The following PCNX2 variants were observed in gnomAD, a reference collection of about 807,000 sequenced individuals.
PCNX2 encodes pecanex-like protein 2.
A neutral mutation model predicts 223.8 loss-of-function variants in PCNX2; 168 were observed. That is an observed-to-expected ratio of 0.75 (90% CI 0.66 to 0.85). The LOEUF (loss-of-function observed/expected upper bound fraction) is 0.85, where lower values mean the gene tolerates loss of function less well. Among genes scored for constraint, PCNX2 ranks in the 40% least tolerant of loss-of-function variants. The pLI is 0.00. For synonymous variants in PCNX2, 1,006 were observed against 1,052.6 expected (o/e 0.96, Z 0.86); for missense variants, 2,507 against 2,675.5 (o/e 0.94, Z 1.39).
intron 8 of PCNX2, 102 bp from the exon 9 acceptor site, chr1:233,237,082 A>G (rs951399380): frequency 6.3e-6 from 9 of 1,434,996 alleles, no homozygotes; most frequent in Admixed American, 4.2e-5. Context: ...CAAAGCAGGT[A>G]GTGGATGAGA....
chr1:233,257,114 G>GA (rs776660498), intron 5 of PCNX2, among the ~76,000 whole-genome samples: 1 of 152,108 alleles, frequency 6.6e-6, no homozygotes, highest in African/African-American at 2.4e-5. Flanking sequence ...TATCCATGAG[G>GA]AAACTGAGGC....
chr1:233,222,691 A>G (rs114207697), intron 10 of PCNX2, among the ~76,000 whole-genome samples: 113 of 152,358 alleles, frequency 7.4e-4, no homozygotes, highest in African/African-American at 2.7e-3. Context: ...AACAGCGAAA[A>G]TAACTTCCTA....
intron 27 of PCNX2, 24 bp from the exon 28 acceptor site, chr1:233,014,801 A>C (rs369884137): frequency 1.6e-5 from 25 of 1,572,616 alleles, no homozygotes; most frequent in Non-Finnish European, 2.0e-5. Flanking sequence ...AAGTTAACTC[A>C]GCTTTCACAC....
rs1462984377 is a variant in PCNX2, at chr1:233,017,015, T to A, written c.4745A>T (p.Asp1582Val). 8.7e-6 allele frequency: 14 copies of A among 1,613,838 alleles called. No homozygotes were observed. The highest frequency in any genetic ancestry group is 2.7e-5 in the African/African-American group (2 of 74,914). The stretch of plus-strand genomic sequence containing the variant: ...CCCCTGGAGACACGGGACGTAGTCA[T>A]CATCAATGTTAATGTTGAACATTGC... ...DLAMFNINID[D>V]DYVPCLQGIT... is the part of the protein sequence containing the mutation. The change falls in exon 27 of 34, where the codon GAT becomes GTT. Residue 1582 changes from aspartate to valine, a missense_variant. Transcript: ENST00000258229.
In PCNX2 at chr1:233,160,273, T is replaced by C. The variant is rs967726541; in HGVS notation, c.3517+10A>G. The C allele has an allele frequency of 1.9e-6, 3 of 1,608,680 alleles. No individual in the cohort carries two copies. The highest frequency in any genetic ancestry group is 2.6e-6 in the Non-Finnish European group (3 of 1,176,014). On this transcript the variant is annotated intron_variant, in intron 19 of 33. Coordinates refer to ENST00000258229, the MANE Select transcript of PCNX2 (RefSeq NM_014801.4). ...TTTTTTTTTTTTTAAATGAGGGATATATTACTAACCTCTCACTTCCCGTTG... is the reference window on the plus strand; with the variant it reads ...TTTTTTTTTTTTTAAATGAGGGATACATTACTAACCTCTCACTTCCCGTTG...
At chr1:233,010,160 C>T (rs529351924) in intron 28 of PCNX2, among the ~76,000 whole-genome samples, 4 of 152,316 alleles carry the variant, frequency 2.6e-5, no homozygotes, top group African/African-American at 7.2e-5. Context: ...AGCTGGCCCC[C>T]GTGGGGGCCT....
At chr1:233,163,921 T>C (rs766332258) in intron 17 of PCNX2, among the ~76,000 whole-genome samples, 1 of 152,188 alleles carries the variant, frequency 6.6e-6, no homozygotes, top group Non-Finnish European at 1.5e-5. Context: ...TATACCACAA[T>C]GTGTTTATCT....
chr1:233,030,868 C>T (rs146788718), intron 25 of PCNX2, among the ~76,000 whole-genome samples: 99 of 152,336 alleles, frequency 6.5e-4, no homozygotes, highest in African/African-American at 2.2e-3. Flanking sequence ...CATCTAATCA[C>T]GAAAGGGGAT....
intron 25 of PCNX2, among the ~76,000 whole-genome samples, chr1:233,033,473 T>C (rs1671339601): frequency 6.6e-6 from 1 of 152,254 alleles, no homozygotes; most frequent in African/African-American, 2.4e-5. Context: ...TGGTTTCTTG[T>C]GTCTTTAAGG....
At chr1:233,160,253 T>A in intron 19 of PCNX2, 30 bp downstream of exon 19, 2 of 1,593,844 alleles carry the variant, frequency 1.3e-6, no homozygotes, top group Non-Finnish European at 1.7e-6. Flanking sequence ...CTCCTTTTTT[T>A]TTTTTTTAAA....
chr1:233,179,256 C>T, intron 15 of PCNX2, 81 bp from the exon 16 acceptor site: 1 of 1,412,664 alleles, frequency 7.1e-7, no homozygotes, highest in South Asian at 1.2e-5. Flanking sequence ...TAGAAATATC[C>T]CCAAGGTCCA....
intron 28 of PCNX2, among the ~76,000 whole-genome samples, chr1:233,012,309 C>T (rs1670498061): frequency 6.6e-6 from 1 of 152,024 alleles, no homozygotes; most frequent in South Asian, 2.1e-4. Flanking sequence ...TGGGGCCCTG[C>T]CAGGCTCCAA....
intron 8 of PCNX2, among the ~76,000 whole-genome samples, chr1:233,249,255 G>T (rs947943591): frequency 6.6e-6 from 1 of 152,140 alleles, no homozygotes; most frequent in Non-Finnish European, 1.5e-5. Context: ...ATCCTGGGGG[G>T]AAAAAATTAA....
At chr1:233,321,645 C>CA in the PCNX2 span, among the ~76,000 whole-genome samples, 5 of 152,150 alleles carry the variant, frequency 3.3e-5, no homozygotes, top group Non-Finnish European at 7.3e-5. Flanking sequence ...TGCAGAAATG[C>CA]TTTATATGCA....
intron 19 of PCNX2, among the ~76,000 whole-genome samples, chr1:233,148,819 A>T (rs1267897396): frequency 6.6e-6 from 1 of 152,272 alleles, no homozygotes; most frequent in African/African-American, 2.4e-5. Flanking sequence ...AATGAAACTC[A>T]TACTGAATGT....
At chr1:233,008,936 A>G (rs10797598) in intron 28 of PCNX2, among the ~76,000 whole-genome samples, 63,195 of 151,972 alleles carry the variant, frequency 0.42, 14,079 homozygotes, top group African/African-American at 0.57. Context: ...CAGCTGGGCC[A>G]CCCCAGGGAA....
intron 8 of PCNX2, among the ~76,000 whole-genome samples, chr1:233,246,003 A>T (rs2102978768): frequency 6.6e-6 from 1 of 152,348 alleles, no homozygotes; most frequent in East Asian, 1.9e-4. Context: ...ATGCATTTCT[A>T]GCTCCCTGTG....
rs1001270962 is a variant in PCNX2, at chr1:233,169,369, G to A, written c.3274-8006C>T. ...CTGTTTTAAAATGTGACACAGGGCC[G>A]GGCGCGGTGGCTCACGCCTGTAATC... On this transcript the variant is annotated intron_variant, in intron 17 of 33. Transcript: ENST00000258229. 9.2e-5 allele frequency among the ~76,000 whole-genome samples: 14 copies of A among 151,538 alleles called. 1 individual carries two copies. The South Asian group carries it at 2.3e-3, about 25-fold the overall frequency.
intron 23 of PCNX2, among the ~76,000 whole-genome samples, chr1:233,074,877 T>C (rs1230453832): frequency 6.6e-6 from 1 of 152,116 alleles, no homozygotes; most frequent in Non-Finnish European, 1.5e-5. Flanking sequence ...GAGCTATCAC[T>C]GTATACCCCT....
Sources: allele counts gnomAD v4.1 joint callset (sites outside exome capture counted in the v4.1 genomes callset), GRCh38; gene constraint gnomAD v4.1.1; transcripts MANE v1.5; gene names NCBI Gene and HGNC (gene_info 2026-07-23, HGNC 2026-07-21).